The following JADE2 variants were observed in gnomAD, a reference collection of about 807,000 sequenced individuals.
JADE2 encodes jade family PHD finger 2, also known as E3 ubiquitin-protein ligase Jade-2.
Under a neutral mutation model 85.7 loss-of-function variants are expected in JADE2, and 13 were observed. The observed-to-expected ratio is 0.15, with a 90% CI of 0.10 to 0.24. The LOEUF is 0.24. Among genes scored for constraint, JADE2 ranks in the 10% least tolerant of loss-of-function variants. JADE2 has a pLI of 1.00. For synonymous variants in JADE2, 440 were observed against 456.1 expected (o/e 0.96, Z 0.45); for missense variants, 846 against 1,115.9 (o/e 0.76, Z 3.45).
chr5:134,527,157 G>T (rs1409868805), intron 1 of JADE2, among the ~76,000 whole-genome samples: 1 of 75,964 alleles, frequency 1.3e-5, no homozygotes, highest in Non-Finnish European at 2.6e-5. Context: ...CCGGATCCCC[G>T]GCCCCGCCCC....
chr5:134,579,333 G>C lies in JADE2; in HGVS notation c.*16G>C. 6.5e-7 allele frequency: 1 copy of C among 1,549,874 alleles called. No homozygotes were observed. The highest frequency in any genetic ancestry group is 8.7e-7 in the Non-Finnish European group (1 of 1,148,022). On this transcript the variant is annotated 3_prime_UTR_variant, in exon 12 of 12. Coordinates refer to ENST00000681547, the MANE Select transcript of JADE2 (RefSeq NM_001388185.1). The surrounding 1 kb of genome is among the most constrained non-coding windows in gnomAD (Gnocchi z 4.6). ...GGCCTCCTAACTCACCCCCTTCCCT[G>C]TCCCAGGCCCTGCCCTGGTCCCCCC...
chr5:134,540,447 T>C (rs940428742), intron 3 of JADE2, among the ~76,000 whole-genome samples: 1 of 151,434 alleles, frequency 6.6e-6, no homozygotes, highest in Admixed American at 6.6e-5. Context: ...TTGCTCAGGC[T>C]TGTCTCAAAC....
intron 4 of JADE2, among the ~76,000 whole-genome samples, chr5:134,557,761 T>G (rs1419405919): frequency 1.5e-4 from 4 of 26,704 alleles, no homozygotes; most frequent in African/African-American, 6.2e-4. Context: ...GTGCCACATT[T>G]TCTTAATCCA....
At chr5:134,575,451 C>G (rs1448792849) in intron 10 of JADE2, 2 of 152,222 alleles carry the variant, frequency 1.3e-5, no homozygotes, top group African/African-American at 4.8e-5. Flanking sequence ...AATGGCTGCA[C>G]CAGGCAGAAG....
At chr5:134,557,375 C>T (rs1407737888) in intron 4 of JADE2, among the ~76,000 whole-genome samples, 5 of 121,778 alleles carry the variant, frequency 4.1e-5, no homozygotes, top group East Asian at 2.3e-4. Context: ...TTGAAAATAA[C>T]TTTTTTTTTT....
At chr5:134,564,371 A>G in intron 7 of JADE2, 123 bp from the exon 8 acceptor site, 1 of 581,762 alleles carries the variant, frequency 1.7e-6, no homozygotes, top group Non-Finnish European at 3.0e-6. Context: ...CTTGGGATTC[A>G]GGGGCTCAGC....
intron 10 of JADE2, chr5:134,575,425 ACTGGAAGGAGG>A (rs888424682): frequency 3.3e-5 from 5 of 152,278 alleles, no homozygotes; most frequent in Admixed American, 6.5e-5. Flanking sequence ...TGGCAGAGAA[ACTGGAAGGAGG>A]CTGGAATGGC....
At chr5:134,543,012 C>T (rs1335531020) in intron 3 of JADE2, among the ~76,000 whole-genome samples, 1 of 151,258 alleles carries the variant, frequency 6.6e-6, no homozygotes, top group East Asian at 2.0e-4. Flanking sequence ...CAGGCATGAG[C>T]CACCGCACCT....
chr5:134,574,018 G>T, intron 10 of JADE2: 1 of 565,750 alleles, frequency 1.8e-6, no homozygotes, highest in South Asian at 1.8e-5. Context: ...GGAGCTTTCT[G>T]GTTGACTAGG....
intron 3 of JADE2, 111 bp from the exon 4 acceptor site, chr5:134,551,941 C>T (rs949034393): frequency 5.8e-5 from 55 of 945,202 alleles, no homozygotes; most frequent in African/African-American, 9.9e-5. Context: ...TTTCTAAGTG[C>T]GCAGGCAGAA....
chr5:134,571,667 A>G (rs185064484), intron 9 of JADE2, among the ~76,000 whole-genome samples: 441 of 152,340 alleles, frequency 2.9e-3, no homozygotes, highest in Non-Finnish European at 3.0e-3. Flanking sequence ...ACTGCGCTCC[A>G]GCCTAGGCGA....
At chr5:134,570,334 C>T (rs767249163) in intron 9 of JADE2, among the ~76,000 whole-genome samples, 6 of 152,306 alleles carry the variant, frequency 3.9e-5, no homozygotes, top group Non-Finnish European at 7.4e-5. Context: ...TTCCTTCCCC[C>T]ACAGGGGCTC....
upstream of JADE2, chr5:134,525,550 T>G: frequency 4.8e-6 from 2 of 416,082 alleles, no homozygotes; most frequent in South Asian, 2.3e-5. Context: ...TCCGAGTGAA[T>G]AAGAAAAAAG....
intron 3 of JADE2, among the ~76,000 whole-genome samples, chr5:134,545,970 T>C (rs1053795801): frequency 1.6e-4 from 25 of 152,096 alleles, no homozygotes; most frequent in African/African-American, 5.6e-4. Context: ...GCCATTTTAA[T>C]TGGCTTTGGG....
At position 134,578,486 on chromosome 5, in the gene JADE2, C is replaced by T; in HGVS notation, c.1682-8C>T. On this transcript the variant is annotated splice_region_variant and splice_polypyrimidine_tract_variant and intron_variant, in intron 11 of 11. Coordinates refer to ENST00000681547, the MANE Select transcript of JADE2 (RefSeq NM_001388185.1). The surrounding 1 kb of genome is among the most constrained non-coding windows in gnomAD (Gnocchi z 4.4). ...CTGGCGTCTCACTTGCCTCCTCTCT[C>T]CCCTCAGCAGGCCTGTCCACCTCAT... The T allele has an allele frequency of 6.4e-7, 1 of 1,558,450 alleles. No homozygotes were observed. Among genetic ancestry groups the T allele is most frequent in the Non-Finnish European group, 8.7e-7 (1 of 1,146,558 alleles).
At chr5:134,559,712 G>A (rs767056626) in intron 4 of JADE2, 118 bp from the exon 5 acceptor site, 9 of 962,974 alleles carry the variant, frequency 9.3e-6, no homozygotes, top group Non-Finnish European at 1.4e-5. Flanking sequence ...TGGGCCCTGT[G>A]TGGTGTCAAA....
intron 10 of JADE2, 116 bp from the exon 11 acceptor site, chr5:134,576,652 T>G: frequency 7.9e-7 from 1 of 1,261,814 alleles, no homozygotes; most frequent in Non-Finnish European, 1.1e-6. Context: ...CTTTTTGCTG[T>G]GGAGGGTGAG....
chr5:134,568,712 G>A (rs1424720464), intron 9 of JADE2, among the ~76,000 whole-genome samples: 1 of 152,230 alleles, frequency 6.6e-6, no homozygotes, highest in Non-Finnish European at 1.5e-5. Context: ...GCAGGGCCGA[G>A]GAGGGACAAC....
chr5:134,537,843 CAG>C, intron 2 of JADE2, 144 bp from the exon 3 acceptor site: 1 of 604,560 alleles, frequency 1.7e-6, no homozygotes, highest in South Asian at 2.0e-5. Flanking sequence ...GACTGAGGCC[CAG>C]AGCAGGGATA....
Sources: allele counts gnomAD v4.1 joint callset (sites outside exome capture counted in the v4.1 genomes callset), GRCh38; gene constraint gnomAD v4.1.1; non-coding constraint Gnocchi (gnomAD v3.1); transcripts MANE v1.5; gene names NCBI Gene and HGNC (gene_info 2026-07-23, HGNC 2026-07-21).